Variants in DLGAP3 observed in about 807,000 individuals in gnomAD.
DLGAP3 encodes disks large-associated protein 3.
DLGAP3 carries 17 observed loss-of-function variants against 81.2 expected under a neutral mutation model. The observed-to-expected ratio is 0.21, with a 90% CI of 0.14 to 0.31. DLGAP3 has a LOEUF of 0.31. Among genes scored for constraint, DLGAP3 ranks in the 10% least tolerant of loss-of-function variants. DLGAP3 has a pLI of 1.00. For missense variants in DLGAP3, 1,124 were observed against 1,388.0 expected (o/e 0.81, Z 3.02); for synonymous variants, 577 against 587.4 (o/e 0.98, Z 0.26).
In DLGAP3 at chr1:34,867,612, C is replaced by T. The variant is rs748658137; in HGVS notation, c.2501G>A (p.Arg834His). ...ELPEEILEKIRSAVGSTQLLL... is the reference protein window; with the variant it reads ...ELPEEILEKIHSAVGSTQLLL... ...AAGTTGTGTGCTGCCCACAGCACTG[C>T]GGATCTTCTCCAGGACTAGAAAGCA... The change falls in exon 10 of 12, where the codon CGC becomes CAC. Residue 834 changes from arginine to histidine, a missense_variant. Physicochemically the swap from Arg to His is conservative, Grantham distance 29 (BLOSUM62 0). Around this residue, in one of 9 missense-constraint regions of DLGAP3, gnomAD observed 5 missense variants for 29.5 expected, o/e 0.17. Transcript: ENST00000373347. This position sits in a 1 kb window ranked among gnomAD's most constrained non-coding sequence, Gnocchi z 4.3. The T allele has an allele frequency of 1.2e-6, 2 of 1,612,776 alleles. No individual in the cohort carries two copies. Among genetic ancestry groups the T allele is most frequent in the South Asian group, 1.1e-5 (1 of 91,068 alleles).
intron 5 of DLGAP3, 142 bp from the exon 6 acceptor site, chr1:34,886,427 CT>C (rs1639231640): frequency 1.3e-5 from 11 of 843,554 alleles, no homozygotes; most frequent in Non-Finnish European, 1.8e-5. Context: ...AAAAGAAACT[CT>C]AACTCTTTGC....
intron 1 of DLGAP3, among the ~76,000 whole-genome samples, chr1:34,920,985 A>C (rs1639787539): frequency 6.6e-6 from 1 of 152,202 alleles, no homozygotes; most frequent in Non-Finnish European, 1.5e-5. Context: ...AGGTCTTTCC[A>C]AAAATGTGAC....
At chr1:34,872,453 GT>G (rs1042442298) in intron 8 of DLGAP3, among the ~76,000 whole-genome samples, 1 of 152,168 alleles carries the variant, frequency 6.6e-6, no homozygotes, top group African/African-American at 2.4e-5. Context: ...GGGATATTTT[GT>G]TTTGGGTGCT....
Position 34,904,254 on chromosome 1 carries a change from C to T in DLGAP3, c.1107+23G>A, listed in dbSNP as rs944600936. 7 of 1,600,306 alleles carry T rather than the reference C, an allele frequency of 4.4e-6. No individual in the cohort carries two copies. In the African/African-American group the frequency reaches 8.0e-5, roughly 18 times the overall value. ...ACTGGTGAAGGCTAAGGACTCTGTT[C>T]CCCAACCCCAAAAAAGCCTCACCTG... On this transcript the variant is annotated intron_variant, in intron 3 of 11. Transcript: ENST00000373347. The surrounding 1 kb of genome is among the most constrained non-coding windows in gnomAD (Gnocchi z 8.1).
intron 1 of DLGAP3, among the ~76,000 whole-genome samples, chr1:34,922,011 C>T (rs1639803519): frequency 6.6e-6 from 1 of 152,166 alleles, no homozygotes; most frequent in South Asian, 2.1e-4. Flanking sequence ...CTTATGCATG[C>T]ACTTGGGCCC....
At position 34,904,340 on chromosome 1, in the gene DLGAP3, C is replaced by T. The variant is rs541769045; in HGVS notation, c.1044G>A (p.Gly348=). 25 of 1,611,798 alleles carry T rather than the reference C, an allele frequency of 1.6e-5. No homozygotes were observed. The Admixed American group carries it at 3.7e-4, about 24-fold the overall frequency. The change falls in exon 3 of 12, where the codon GGG becomes GGA. Residue 348 remains glycine (G), a synonymous_variant. Coordinates refer to ENST00000373347, the MANE Select transcript of DLGAP3 (RefSeq NM_001080418.3). The surrounding 1 kb of genome is among the most constrained non-coding windows in gnomAD (Gnocchi z 8.1). ...SQGRDGYPGA[G]PGKGLLGPET... ...CCGGACCCAGGAGCCCCTTGCCTGG[C>T]CCGGCCCCCGGGTATCCATCCCGGC... is the stretch of plus-strand genomic sequence containing the variant.
Position 34,866,307 on chromosome 1 carries a change from G to C in DLGAP3, c.2722-6C>G. Reference sequence around the variant, plus strand: ...GGAGGGACCTTCTTCTCCTCCTGCGGGGCAGAGGGCGTCGCTGAGCTGGGG... The same window carrying C: ...GGAGGGACCTTCTTCTCCTCCTGCGCGGCAGAGGGCGTCGCTGAGCTGGGG... On this transcript the variant is annotated splice_polypyrimidine_tract_variant and splice_region_variant and intron_variant, in intron 11 of 11. Coordinates refer to ENST00000373347, the MANE Select transcript of DLGAP3 (RefSeq NM_001080418.3). The C allele has an allele frequency of 2.0e-6, 3 of 1,511,754 alleles. No homozygotes were observed. The highest frequency in any genetic ancestry group is 2.7e-6 in the Non-Finnish European group (3 of 1,129,450). The allele number at this position is 1,511,754 out of a possible 1,614,324, so 93.6% of individuals were successfully genotyped here.
chr1:34,898,933 A>G (rs2148408878), intron 5 of DLGAP3, among the ~76,000 whole-genome samples: 1 of 148,874 alleles, frequency 6.7e-6, no homozygotes, highest in Non-Finnish European at 1.5e-5. Flanking sequence ...GTCCCTAACC[A>G]TTGCCATTTT....
chr1:34,905,265 G>T lies in DLGAP3; in HGVS notation c.119C>A (p.Ala40Asp), dbSNP rs775834063. The T allele has an allele frequency of 2.6e-6, 4 of 1,550,124 alleles. No homozygotes were observed. The South Asian group carries it at 3.5e-5, about 13-fold the overall frequency. The change falls in exon 3 of 12, where the codon GCC (alanine) becomes GAC (aspartate). Residue 40 changes from alanine to aspartate, a missense_variant. This residue lies in a region of DLGAP3 where 167 missense variants were observed against 172.1 expected (regional missense o/e 0.97). Coordinates refer to ENST00000373347, the MANE Select transcript of DLGAP3 (RefSeq NM_001080418.3). Reference sequence around the variant, plus strand: ...ACAGAAGCGGGGCTCGGTGGAGAAGGCCTCCCTGGAGCCCAGCAGGTATGG... The same window carrying T: ...ACAGAAGCGGGGCTCGGTGGAGAAGTCCTCCCTGGAGCCCAGCAGGTATGG... ...RAPYLLGSREAFSTEPRFCAP... is the reference protein window; with the variant it reads ...RAPYLLGSREDFSTEPRFCAP...
At position 34,866,298 on chromosome 1, in the gene DLGAP3, C is replaced by T. The variant is rs1423966591; in HGVS notation, c.2725G>A (p.Glu909Lys). 1.3e-6 allele frequency: 2 copies of T among 1,521,810 alleles called. No homozygotes were observed. The highest frequency in any genetic ancestry group is 2.0e-5 in the Admixed American group (1 of 49,718). The allele number at this position is 1,521,810 out of a possible 1,614,324, so 94.3% of individuals were successfully genotyped here. The part of the protein sequence containing the change: ...NSWKLLEPKE[E>K]KKVPPPIPKK... The stretch of plus-strand genomic sequence containing the variant: ...GGTATCGGCGGAGGGACCTTCTTCT[C>T]CTCCTGCGGGGCAGAGGGCGTCGCT... Residue 909 changes from glutamate to lysine, a missense_variant, in exon 12 of 12, where the codon GAG becomes AAG. Glu to Lys is a moderately conservative substitution (Grantham distance 56). Coordinates refer to ENST00000373347, the MANE Select transcript of DLGAP3 (RefSeq NM_001080418.3).
rs746036348 is a variant in DLGAP3, at chr1:34,899,676, G to A, written c.1379C>T (p.Thr460Ile). 1.9e-6 allele frequency: 3 copies of A among 1,613,414 alleles called. No homozygotes were observed. Among genetic ancestry groups the A allele is most frequent in the Non-Finnish European group, 2.5e-6 (3 of 1,179,416 alleles). Residue 460 changes from threonine to isoleucine, a missense_variant, in exon 5 of 12, where the codon ACT becomes ATT. Transcript: ENST00000373347. ...TACTGGGCCTCTCCCTACCTGTCCA[G>A]TGGTGAGGGAACGGCTGTAGCCAGG... ...SIPGYSRSLT[T>I]GQLSDELNQQ... is the part of the protein sequence containing the mutation.
rs561426481 is a variant in DLGAP3 at position 34,886,989 on chromosome 1, C to T, written c.1387-704G>A. Among the ~76,000 whole-genome samples the T allele has an allele frequency of 3.4e-5, 4 of 118,810 alleles. No individual in the cohort carries two copies. In the South Asian group the frequency reaches 1.2e-3, roughly 35 times the overall value. 77.9% of individuals were successfully genotyped at this position (118,810 alleles called of 152,430 possible). ...TTTTTTTTTGAGACAGAGTCTCGCTCAGTTGCCCAGGCTGGAGTGCAGTGG... is the reference window on the plus strand; with the variant it reads ...TTTTTTTTTGAGACAGAGTCTCGCTTAGTTGCCCAGGCTGGAGTGCAGTGG... On this transcript the variant is annotated intron_variant, in intron 5 of 11. Transcript: ENST00000373347.
At chr1:34,894,065 C>A (rs1427787840) in intron 5 of DLGAP3, among the ~76,000 whole-genome samples, 1 of 152,028 alleles carries the variant, frequency 6.6e-6, no homozygotes, top group African/African-American at 2.4e-5. Flanking sequence ...GTATGTGTCT[C>A]TAGTTCCAGC....
chr1:34,866,100 C>A lies in DLGAP3; in HGVS notation c.2923G>T (p.Ala975Ser), dbSNP rs1638871736. Reference protein sequence around the residue: ...ADSIEIYIPEAQTRL With the variant: ...ADSIEIYIPESQTRL ...CGGACCGGTCACAGCCTGGTCTGGG[C>A]CTCGGGGATGTAGATCTCGATGCTG... is the stretch of plus-strand genomic sequence containing the variant. Residue 975 changes from alanine to serine, a missense_variant, in exon 12 of 12, where the codon GCC becomes TCC. Around this residue, in one of 9 missense-constraint regions of DLGAP3, gnomAD observed 133 missense variants for 171.1 expected, o/e 0.78. Coordinates refer to ENST00000373347, the MANE Select transcript of DLGAP3 (RefSeq NM_001080418.3). 1 of 1,599,356 alleles carries A rather than the reference C, an allele frequency of 6.3e-7. No homozygotes were observed. Among genetic ancestry groups the A allele is most frequent in the Non-Finnish European group, 8.5e-7 (1 of 1,179,050 alleles).
At chr1:34,920,525 A>C (rs980499452) in intron 1 of DLGAP3, among the ~76,000 whole-genome samples, 4 of 152,310 alleles carry the variant, frequency 2.6e-5, no homozygotes, top group African/African-American at 9.6e-5. Flanking sequence ...GTACAAGCAC[A>C]TGCATGTACA....
chr1:34,927,715 T>C (rs527778402), intron 1 of DLGAP3, among the ~76,000 whole-genome samples: 2 of 149,350 alleles, frequency 1.3e-5, no homozygotes, highest in Non-Finnish European at 3.0e-5. Flanking sequence ...CCCCACTCTT[T>C]TAGGCATTGG....
intron 1 of DLGAP3, among the ~76,000 whole-genome samples, chr1:34,920,772 C>T (rs1041178259): frequency 2.0e-5 from 3 of 152,182 alleles, no homozygotes. Flanking sequence ...GCTGAATACT[C>T]TTCTGGACAC....
chr1:34,879,051 G>GAC (rs1478613376), intron 8 of DLGAP3, among the ~76,000 whole-genome samples: 2 of 148,444 alleles, frequency 1.3e-5, no homozygotes, highest in Non-Finnish European at 3.0e-5. Context: ...CACCCGGGGC[G>GAC]AGAGCGAGAC....
At chr1:34,905,692 C>T (rs971077181) in intron 2 of DLGAP3, among the ~76,000 whole-genome samples, 1 of 152,042 alleles carries the variant, frequency 6.6e-6, no homozygotes. Flanking sequence ...GATATTCCCT[C>T]AGTCAAATGG....
Sources: gnomAD v4.1 joint callset for allele counts (sites outside exome capture counted in the v4.1 genomes callset) on GRCh38, gnomAD v4.1.1 for gene constraint, gnomAD v4.1.1 regional missense constraint, Gnocchi (gnomAD v3.1) non-coding constraint, MANE v1.5 for transcripts, NCBI Gene and HGNC (gene_info 2026-07-23, HGNC 2026-07-21) for gene names.